WDR4: variants seen among roughly 807,000 people sequenced by gnomAD.
The protein encoded by WDR4 is tRNA (guanine-N(7)-)-methyltransferase non-catalytic subunit WDR4.
A neutral mutation model predicts 48.6 loss-of-function variants in WDR4; 47 were observed. The ratio of observed to expected loss-of-function variants is 0.97; its 90% CI spans 0.77 to 1.23. The LOEUF is 1.23. WDR4 is among the 50% of genes most tolerant of loss of function. The probability of loss-of-function intolerance (pLI) is 0.00; values close to 1 mark genes in which losing one functional copy is unlikely to be tolerated. For missense variants in WDR4, 606 were observed against 551.6 expected, an observed-to-expected ratio of 1.10 and a Z score of -0.99; for synonymous variants, 268 against 230.0, an observed-to-expected ratio of 1.17 and a Z score of -1.49.
At chr21:42,860,019 T>A (rs2058079765) in intron 5 of WDR4, among the ~76,000 whole-genome samples, 1 of 152,060 alleles carries the variant, frequency 6.6e-6, no homozygotes, top group African/African-American at 2.4e-5. Context: ...CCCAAGCGCC[T>A]CTGTGCCCCT....
rs148883329 is a variant in WDR4, at chr21:42,878,648, T to C, written c.89+759A>G. Among the ~76,000 whole-genome samples the C allele has an allele frequency of 3.2e-3, 482 of 152,342 alleles. 2 individuals are homozygous for C. The highest frequency in any genetic ancestry group is 0.01 in the African/African-American group (434 of 41,580). Reference sequence around the variant, plus strand: ...GAGGGGCTGAAACTGACAGCACTACTAATTGCTCCGAGAGTCCTGAGTTAG... The same window carrying C: ...GAGGGGCTGAAACTGACAGCACTACCAATTGCTCCGAGAGTCCTGAGTTAG... On this transcript the variant is annotated intron_variant, in intron 1 of 10. Coordinates refer to ENST00000398208, the MANE Select transcript of WDR4 (RefSeq NM_018669.6).
intron 2 of WDR4, among the ~76,000 whole-genome samples, chr21:42,876,301 C>T (rs941800433): frequency 6.7e-6 from 1 of 150,342 alleles, no homozygotes; most frequent in African/African-American, 2.5e-5. Flanking sequence ...GCAACCTCCG[C>T]CTCCCAGGTT....
In WDR4 at chr21:42,859,717, A is replaced by C. The variant is rs1309739659; in HGVS notation, c.572T>G (p.Val191Gly). The C allele has an allele frequency of 6.4e-7, 1 of 1,560,134 alleles. No homozygotes were observed. The stretch of plus-strand genomic sequence containing the variant: ...AGTTGGCACCACGGAGATACGGCTC[A>C]CAAACCTGTGAGGGCGAGAGAGAGC... ...ESFCLGHTEF[V>G]SRISVVPTQP... Residue 191 changes from valine to glycine, a missense_variant, in exon 6 of 11, where the codon GTG (valine) becomes GGG (glycine). Val to Gly is a moderately radical substitution (Grantham distance 109). Coordinates refer to ENST00000398208, the MANE Select transcript of WDR4 (RefSeq NM_018669.6).
intron 3 of WDR4, among the ~76,000 whole-genome samples, chr21:42,868,126 C>G (rs1362555077): frequency 6.6e-6 from 1 of 152,202 alleles, no homozygotes; most frequent in Non-Finnish European, 1.5e-5. Context: ...CTAGATTCCT[C>G]CCTCCTCTGG....
the WDR4 span, among the ~76,000 whole-genome samples, chr21:42,890,813 T>TTGAC: frequency 6.6e-6 from 1 of 151,494 alleles, no homozygotes; most frequent in Non-Finnish European, 1.5e-5. Flanking sequence ...AATAATGTAT[T>TTGAC]TGGCCTCTGC....
At chr21:42,881,060 C>G (rs2146127598), upstream of WDR4, among the ~76,000 whole-genome samples, 1 of 152,228 alleles carries the variant, frequency 6.6e-6, no homozygotes, top group South Asian at 2.1e-4. Flanking sequence ...CGCCCGCCAC[C>G]ACGCCTGGCT....
chr21:42,879,341 G>A (rs1258522851), intron 1 of WDR4, 66 bp downstream of exon 1: 26 of 1,581,712 alleles, frequency 1.6e-5, no homozygotes, highest in Middle Eastern at 3.7e-4. Flanking sequence ...GGGAGAAGCG[G>A]GGTCGCCAGG....
the WDR4 span, among the ~76,000 whole-genome samples, chr21:42,888,481 C>T: frequency 6.6e-6 from 1 of 151,992 alleles, no homozygotes; most frequent in African/African-American, 2.4e-5. Context: ...ATCACCTGAG[C>T]CTGAGAAAGT....
chr21:42,878,787 G>A (rs2058559364), intron 1 of WDR4, among the ~76,000 whole-genome samples: 2 of 152,182 alleles, frequency 1.3e-5, no homozygotes, highest in Non-Finnish European at 2.9e-5. Flanking sequence ...CGAGCCGTGC[G>A]AAGGGCCACT....
At chr21:42,871,268 G>A (rs967999883) in intron 3 of WDR4, among the ~76,000 whole-genome samples, 4 of 152,206 alleles carry the variant, frequency 2.6e-5, no homozygotes, top group African/African-American at 9.6e-5. Context: ...CCCCTAGTCT[G>A]TGGTATCTTG....
intron 3 of WDR4, among the ~76,000 whole-genome samples, chr21:42,866,111 A>G (rs1197139706): frequency 6.6e-6 from 1 of 151,992 alleles, no homozygotes; most frequent in Non-Finnish European, 1.5e-5. Flanking sequence ...CACTGGGAGG[A>G]TTTCTCCCTC....
rs987979807 is a variant in WDR4, at chr21:42,855,938, G to A, written c.628-158C>T. Among the ~76,000 whole-genome samples the A allele has an allele frequency of 4.6e-5, 7 of 152,134 alleles. No homozygotes were observed. The East Asian group carries it at 5.8e-4, about 13-fold the overall frequency. ...GCTCTCTGCTCTGACTGTGTAAATC[G>A]CTCATGCAAATCATCAAGGACAACG... On this transcript the variant is annotated intron_variant, in intron 6 of 10. Coordinates refer to ENST00000398208, the MANE Select transcript of WDR4 (RefSeq NM_018669.6).
At chr21:42,855,498 A>G (rs892089802) in intron 7 of WDR4, among the ~76,000 whole-genome samples, 184 bp downstream of exon 7, 1 of 152,222 alleles carries the variant, frequency 6.6e-6, no homozygotes, top group Non-Finnish European at 1.5e-5. Flanking sequence ...CAGGGAGACA[A>G]ATTATTTCCC....
upstream of WDR4, among the ~76,000 whole-genome samples, chr21:42,881,584 G>A (rs2839598): frequency 0.64 from 97,270 of 151,448 alleles, 32,902 homozygotes; most frequent in African/African-American, 0.86. Flanking sequence ...ATCCTTCACC[G>A]TGACATAGAG....
intron 3 of WDR4, among the ~76,000 whole-genome samples, chr21:42,868,148 T>C (rs570224357): frequency 7.9e-5 from 12 of 152,280 alleles, no homozygotes; most frequent in Admixed American, 6.5e-4. Context: ...CCATGCACGA[T>C]GCCAGGAGCA....
chr21:42,864,679 T>G (rs1234457754), intron 3 of WDR4, among the ~76,000 whole-genome samples: 1 of 152,222 alleles, frequency 6.6e-6, no homozygotes, highest in Non-Finnish European at 1.5e-5. Context: ...TGCACACTGC[T>G]TCAGCAAGAA....
chr21:42,891,979 C>T, the WDR4 span, among the ~76,000 whole-genome samples: 1 of 142,548 alleles, frequency 7.0e-6, no homozygotes, highest in African/African-American at 2.7e-5. Flanking sequence ...TTAGGCCAGG[C>T]ACAGTGGCTC....
At position 42,862,947 on chromosome 21, in the gene WDR4, CAG is replaced by C. The variant is rs1383435865; in HGVS notation, c.453+491_453+492del. Among the ~76,000 whole-genome samples, 3 of 152,212 alleles carry C rather than the reference CAG, an allele frequency of 2.0e-5. No homozygotes were observed. Among genetic ancestry groups the C allele is most frequent in the Non-Finnish European group, 4.4e-5 (3 of 68,026 alleles). ...GTGTGTCTGTGACACACGGGGCACA[CAG>C]AGTGGGGTGACAGGGGCTGCTGGGA... On this transcript the variant is annotated intron_variant, in intron 4 of 10. Transcript: ENST00000398208. This position sits in a 1 kb window ranked among gnomAD's most constrained non-coding sequence, Gnocchi z 4.3.
intron 3 of WDR4, among the ~76,000 whole-genome samples, chr21:42,865,379 A>C (rs573115054): frequency 2.3e-4 from 35 of 152,322 alleles, no homozygotes; most frequent in Middle Eastern, 3.4e-3. Flanking sequence ...ATGGTGGCAC[A>C]GAGGAGCAGC....
Sources: allele counts gnomAD v4.1 joint callset (sites outside exome capture counted in the v4.1 genomes callset), GRCh38; gene constraint gnomAD v4.1.1; non-coding constraint Gnocchi (gnomAD v3.1); transcripts MANE v1.5; gene names NCBI Gene and HGNC (gene_info 2026-07-23, HGNC 2026-07-21).